SLCO6A1: variants seen among roughly 807,000 people sequenced by gnomAD.
The protein encoded by SLCO6A1 is cancer/testis antigen 48.
SLCO6A1 carries 65 observed loss-of-function variants against 72.7 expected under a neutral mutation model. The ratio of observed to expected loss-of-function variants is 0.89; its 90% CI spans 0.73 to 1.10. The LOEUF (loss-of-function observed/expected upper bound fraction) is 1.10. Among genes scored for constraint, SLCO6A1 ranks in the 50% least tolerant of loss-of-function variants. SLCO6A1 has a pLI of 0.00. For missense variants in SLCO6A1, 874 were observed against 872.6 expected (o/e 1.00, Z -0.02); for synonymous variants, 314 against 298.2 (o/e 1.05, Z -0.55).
Position 102,477,682 on chromosome 5 carries a change from A to G in SLCO6A1, c.796T>C (p.Tyr266His), listed in dbSNP as rs1334286050. ...TAGAGGGGGTAAAACTTGCCTAAAT[A>G]GATACCAGCTGAGTGTGTAGCAACA... Reference protein sequence around the residue: ...ENVATHSAGIYLGIAECTSMI... With the variant: ...ENVATHSAGIHLGIAECTSMI... The change falls in exon 3 of 14, where the codon TAT becomes CAT. Residue 266 changes from tyrosine (Y) to histidine (H), a missense_variant. Tyr to His is a moderately conservative substitution (Grantham distance 83, BLOSUM62 2). Coordinates refer to ENST00000506729, the MANE Select transcript of SLCO6A1 (RefSeq NM_173488.5). The G allele has an allele frequency of 1.2e-6, 2 of 1,610,326 alleles. No individual in the cohort carries two copies. Among genetic ancestry groups the G allele is most frequent in the East Asian group, 2.2e-5 (1 of 44,842 alleles).
At chr5:102,385,826 CTTTTTTTTT>C (rs57983218) in intron 12 of SLCO6A1, among the ~76,000 whole-genome samples, 1 of 121,216 alleles carries the variant, frequency 8.2e-6, no homozygotes, top group Non-Finnish European at 1.7e-5. Context: ...CCTGTTTTTC[CTTTTTTTTT>C]TTTTTTTTTT....
intron 6 of SLCO6A1, among the ~76,000 whole-genome samples, chr5:102,439,485 T>G (rs1302539770): frequency 1.3e-5 from 2 of 152,162 alleles, no homozygotes; most frequent in African/African-American, 4.8e-5. Context: ...TTAAATTTTC[T>G]TTTTCTGGCC....
intron 8 of SLCO6A1, among the ~76,000 whole-genome samples, chr5:102,418,814 G>A (rs1379324746): frequency 2.0e-5 from 3 of 151,990 alleles, no homozygotes; most frequent in Non-Finnish European, 2.9e-5. Flanking sequence ...ATCACAATAT[G>A]GCTGGAATTC....
intron 9 of SLCO6A1, among the ~76,000 whole-genome samples, chr5:102,402,404 A>C (rs1036248553): frequency 6.6e-6 from 1 of 152,170 alleles, no homozygotes; most frequent in Non-Finnish European, 1.5e-5. Context: ...AGTAGAGGTA[A>C]TGCCTGCTCA....
intron 12 of SLCO6A1, among the ~76,000 whole-genome samples, chr5:102,381,251 C>A (rs1320652083): frequency 6.6e-6 from 1 of 151,612 alleles, no homozygotes; most frequent in Admixed American, 6.6e-5. Context: ...TCACCAGCCC[C>A]TGTCAACAAC....
At chr5:102,445,933 G>A (rs529586174) in intron 6 of SLCO6A1, among the ~76,000 whole-genome samples, 3 of 152,234 alleles carry the variant, frequency 2.0e-5, no homozygotes, top group African/African-American at 2.4e-5. Flanking sequence ...CTCTGTGTCT[G>A]TTTATGTACC....
intron 3 of SLCO6A1, 95 bp from the exon 4 acceptor site, chr5:102,475,888 T>C: frequency 1.2e-6 from 1 of 853,462 alleles, no homozygotes; most frequent in Admixed American, 2.3e-5. Context: ...TCTGAAAGCT[T>C]TTCATAGCAT....
Position 102,476,623 on chromosome 5 carries a change from C to A in SLCO6A1, c.803-830G>T, listed in dbSNP as rs549011133. 1.9e-3 allele frequency among the ~76,000 whole-genome samples: 289 copies of A among 152,138 alleles called. 3 individuals are homozygous for A. Among genetic ancestry groups the A allele is most frequent in the African/African-American group, 6.7e-3 (279 of 41,530 alleles). On this transcript the variant is annotated intron_variant, in intron 3 of 13. Coordinates refer to ENST00000506729, the MANE Select transcript of SLCO6A1 (RefSeq NM_173488.5). ...TAAAACTAACCATCATACATACTAT[C>A]CAATTCATGTATTAGAGAAACTCAG... is the stretch of plus-strand genomic sequence containing the variant.
intron 4 of SLCO6A1, among the ~76,000 whole-genome samples, chr5:102,466,418 G>C (rs1236937022): frequency 6.6e-6 from 1 of 151,976 alleles, no homozygotes; most frequent in African/African-American, 2.4e-5. Flanking sequence ...TCTTTGTCCA[G>C]TCTATCATTG....
intron 8 of SLCO6A1, 66 bp from the exon 9 acceptor site, chr5:102,413,209 G>T (rs1748088016): frequency 7.1e-7 from 1 of 1,406,590 alleles, no homozygotes; most frequent in Non-Finnish European, 9.6e-7. Context: ...CAAATGTCAA[G>T]ATATCAGTGA....
Position 102,480,399 on chromosome 5 carries a change from C to T in SLCO6A1, c.394G>A (p.Asp132Asn), listed in dbSNP as rs1474060384. The T allele has an allele frequency of 7.4e-6, 12 of 1,613,246 alleles. No homozygotes were observed. Among genetic ancestry groups the T allele is most frequent in the East Asian group, 6.7e-5 (3 of 44,796 alleles). Residue 132 changes from aspartate (D) to asparagine (N), a missense_variant, in exon 2 of 14, where the codon GAT becomes AAT. Asp to Asn is a conservative substitution (Grantham distance 23). Coordinates refer to ENST00000506729, the MANE Select transcript of SLCO6A1 (RefSeq NM_173488.5). Reference protein sequence around the residue: ...VFGLIDVSIGDFQKEYQLKTI... With the variant: ...VFGLIDVSIGNFQKEYQLKTI... ...TTCAGTTGATATTCCTTCTGAAAAT[C>T]GCCAATGCTGACATCTATAAGACCA...
chr5:102,401,412 GGATATATAAAT>G (rs1747392594), intron 9 of SLCO6A1, among the ~76,000 whole-genome samples: 2 of 151,954 alleles, frequency 1.3e-5, no homozygotes, highest in African/African-American at 4.8e-5. Flanking sequence ...GTCATTGGAT[GGATATATAAAT>G]GATATATTTT....
intron 11 of SLCO6A1, 102 bp from the exon 12 acceptor site, chr5:102,388,927 A>C (rs905478198): frequency 2.2e-5 from 21 of 975,590 alleles, no homozygotes; most frequent in Non-Finnish European, 2.9e-5. Context: ...CTCATCATTC[A>C]AAACATATCA....
chr5:102,480,355 T>C lies in SLCO6A1; in HGVS notation c.438A>G (p.Ala146=), dbSNP rs773792322. The C allele has an allele frequency of 2.5e-6, 4 of 1,613,532 alleles. No individual in the cohort carries two copies. Among genetic ancestry groups the C allele is most frequent in the East Asian group, 2.2e-5 (1 of 44,806 alleles). Residue 146 remains alanine (A), a synonymous_variant, in exon 2 of 14, where the codon GCA becomes GCG. Transcript: ENST00000506729. The part of the protein sequence containing the change: ...EYQLKTIEKL[A]LEKSYDISSG... ...ATGAAATATCGTAACTCTTTTCCAA[T>C]GCCAACTTCTCAATGGTTTTCAGTT... is the stretch of plus-strand genomic sequence containing the variant.
chr5:102,422,218 T>C (rs1191771025), intron 7 of SLCO6A1, among the ~76,000 whole-genome samples: 5 of 152,092 alleles, frequency 3.3e-5, no homozygotes, highest in South Asian at 2.1e-4. Flanking sequence ...CCTCTTCTCC[T>C]CCAAAGGATC....
At chr5:102,467,004 G>T (rs982886209) in intron 4 of SLCO6A1, among the ~76,000 whole-genome samples, 12 of 152,162 alleles carry the variant, frequency 7.9e-5, no homozygotes, top group Non-Finnish European at 1.5e-4. Flanking sequence ...TGGCTGTGCA[G>T]AAGCTCTTTA....
chr5:102,383,901 GA>G (rs1474830493), intron 12 of SLCO6A1, among the ~76,000 whole-genome samples: 2 of 151,690 alleles, frequency 1.3e-5, no homozygotes, highest in African/African-American at 4.8e-5. Context: ...ACTTATTCAT[GA>G]TTATGTCTTT....
intron 6 of SLCO6A1, among the ~76,000 whole-genome samples, chr5:102,440,353 G>C (rs1337464770): frequency 6.6e-6 from 1 of 152,016 alleles, no homozygotes; most frequent in Non-Finnish European, 1.5e-5. Flanking sequence ...ATTATCATAG[G>C]AGCACAAACC....
Position 102,425,246 on chromosome 5 carries a change from C to G in SLCO6A1, c.1277-5225G>C, listed in dbSNP as rs763318209. Reference sequence around the variant, plus strand: ...GCCCTCTCGCACCACTCCTATGCAACATAGTATTGGAAATTCTGCCCAGGG... The same window carrying G: ...GCCCTCTCGCACCACTCCTATGCAAGATAGTATTGGAAATTCTGCCCAGGG... On this transcript the variant is annotated intron_variant, in intron 7 of 13. Coordinates refer to ENST00000506729, the MANE Select transcript of SLCO6A1 (RefSeq NM_173488.5). Among the ~76,000 whole-genome samples the G allele has an allele frequency of 5.5e-4, 83 of 152,120 alleles. 1 individual carries two copies. The highest frequency in any genetic ancestry group is 8.4e-4 in the Non-Finnish European group (57 of 68,026).
Sources: allele counts gnomAD v4.1 joint callset (sites outside exome capture counted in the v4.1 genomes callset), GRCh38; gene constraint gnomAD v4.1.1; transcripts MANE v1.5; gene names NCBI Gene and HGNC (gene_info 2026-07-23, HGNC 2026-07-21).